Variants in GMDS observed in about 807,000 individuals in gnomAD.
GMDS encodes GDP-mannose 4,6-dehydratase, also known as GDP-mannose 4,6 dehydratase.
In GMDS, 20 loss-of-function variants were observed where a neutral mutation model predicts 49.9. The observed-to-expected ratio is 0.40, with a 90% confidence interval of 0.28 to 0.58. The LOEUF (loss-of-function observed/expected upper bound fraction) is 0.58. Ranked by LOEUF, GMDS falls within the 20% of genes least tolerant of loss-of-function variation. The pLI, the probability that GMDS is intolerant of heterozygous loss-of-function variation, is 0.42. For synonymous variants in GMDS, 177 were observed against 178.6 expected (o/e 0.99, Z 0.07); for missense variants, 362 against 481.4 (o/e 0.75, Z 2.32).
chr6:1,624,335 C>T, intron 10 of GMDS, 104 bp from the exon 11 acceptor site: 1 of 1,299,028 alleles, frequency 7.7e-7, no homozygotes, highest in East Asian at 2.4e-5. Context: ...TCCCTCGTTC[C>T]AGCTCCCCTC....
chr6:2,144,097 A>G (rs1441371315), intron 1 of GMDS, among the ~76,000 whole-genome samples: 1 of 152,256 alleles, frequency 6.6e-6, no homozygotes, highest in Non-Finnish European at 1.5e-5. Context: ...TATGTGCATT[A>G]GCCTTCTGAA....
chr6:2,202,083 G>C (rs1422176578), intron 1 of GMDS, among the ~76,000 whole-genome samples: 4 of 142,042 alleles, frequency 2.8e-5, no homozygotes, highest in Non-Finnish European at 1.5e-5. Flanking sequence ...AGGATGAAGA[G>C]AGAGCACCAC....
intron 4 of GMDS, among the ~76,000 whole-genome samples, chr6:2,079,783 T>A (rs1285120520): frequency 6.6e-6 from 1 of 152,140 alleles, no homozygotes. Context: ...AGGAGAAGAC[T>A]TTCTTGCATT....
chr6:1,871,790 C>T (rs1371845129), intron 7 of GMDS, among the ~76,000 whole-genome samples: 1 of 152,192 alleles, frequency 6.6e-6, no homozygotes, highest in African/African-American at 2.4e-5. Context: ...TTTCCTGTTA[C>T]TCACATAATA....
At chr6:2,150,138 A>C (rs1443443091) in intron 1 of GMDS, among the ~76,000 whole-genome samples, 2 of 152,194 alleles carry the variant, frequency 1.3e-5, no homozygotes, top group African/African-American at 4.8e-5. Flanking sequence ...GTGAGAGAAG[A>C]TCAAGTACTT....
chr6:2,127,971 A>G (rs1294432389), intron 1 of GMDS, among the ~76,000 whole-genome samples: 1 of 152,212 alleles, frequency 6.6e-6, no homozygotes, highest in Non-Finnish European at 1.5e-5. Flanking sequence ...ATTCAGTATG[A>G]ACACAATTAT....
intron 7 of GMDS, among the ~76,000 whole-genome samples, chr6:1,890,732 T>C (rs1759830723): frequency 6.6e-6 from 1 of 152,224 alleles, no homozygotes; most frequent in Non-Finnish European, 1.5e-5. Flanking sequence ...AATGTACCTT[T>C]TACCAAAGCC....
intron 4 of GMDS, among the ~76,000 whole-genome samples, chr6:2,055,593 T>C (rs770194386): frequency 7.2e-5 from 11 of 152,090 alleles, no homozygotes; most frequent in East Asian, 1.9e-4. Context: ...CTTAACCTCA[T>C]AGGTTAGCAT....
At position 2,074,575 on chromosome 6, in the gene GMDS, T is replaced by C. The variant is rs151297642; in HGVS notation, c.345+41196A>G. Reference sequence around the variant, plus strand: ...GTGCTTTGAGATCTTAACCATAAAATCTTTGTCTAGAACAACATCCTTAAG... The same window carrying C: ...GTGCTTTGAGATCTTAACCATAAAACCTTTGTCTAGAACAACATCCTTAAG... On this transcript the variant is annotated intron_variant, in intron 4 of 10. Coordinates refer to ENST00000380815, the MANE Select transcript of GMDS (RefSeq NM_001500.4). Among the ~76,000 whole-genome samples, 3 of 152,326 alleles carry C rather than the reference T, an allele frequency of 2.0e-5. No individual in the cohort carries two copies. The East Asian group carries it at 5.8e-4, about 29-fold the overall frequency.
chr6:1,844,421 C>T (rs542406512), intron 7 of GMDS, among the ~76,000 whole-genome samples: 1 of 152,314 alleles, frequency 6.6e-6, no homozygotes, highest in Middle Eastern at 3.4e-3. Context: ...CTACCTCAAA[C>T]AGTTTTTACC....
chr6:1,901,153 C>T (rs3778546), intron 7 of GMDS, among the ~76,000 whole-genome samples: 32,572 of 152,146 alleles, frequency 0.21, 4,304 homozygotes, highest in Middle Eastern at 0.32. Flanking sequence ...CCGTGGCTCC[C>T]GGCTCTCAGC....
chr6:1,652,614 AAT>A (rs1763721601), intron 9 of GMDS, among the ~76,000 whole-genome samples: 1 of 7,298 alleles, frequency 1.4e-4, no homozygotes, highest in Non-Finnish European at 2.9e-4. Context: ...TAATATATAT[AAT>A]ATATATTATT....
At chr6:1,894,218 C>G (rs1760033597) in intron 7 of GMDS, among the ~76,000 whole-genome samples, 3 of 152,116 alleles carry the variant, frequency 2.0e-5, no homozygotes. Context: ...TAATTGATTG[C>G]AATAATATTT....
intron 7 of GMDS, among the ~76,000 whole-genome samples, chr6:1,860,144 C>A (rs1758115333): frequency 6.6e-6 from 1 of 152,042 alleles, no homozygotes; most frequent in African/African-American, 2.4e-5. Context: ...ACCATTGTAT[C>A]TCAGACTTTA....
In GMDS at chr6:1,997,507, CAA is replaced by C. The variant is rs542421435; in HGVS notation, c.346-36543_346-36542del. The stretch of plus-strand genomic sequence containing the variant: ...TGGGAGACAGAGTGAGACTCTGTCT[CAA>C]AAAAAAAAAAAAAAAAAAGATGTGA... On this transcript the variant is annotated intron_variant, in intron 4 of 10. Transcript: ENST00000380815. 6.3e-3 allele frequency among the ~76,000 whole-genome samples: 389 copies of C among 61,576 alleles called. 6 individuals are homozygous for C. Among genetic ancestry groups the C allele is most frequent in the African/African-American group, 0.023 (370 of 16,072 alleles). 40.4% of individuals were successfully genotyped at this position (61,576 alleles called of 152,430 possible).
At chr6:2,233,266 T>C (rs1781197581) in intron 1 of GMDS, among the ~76,000 whole-genome samples, 1 of 152,168 alleles carries the variant, frequency 6.6e-6, no homozygotes, top group Non-Finnish European at 1.5e-5. Context: ...TGCAAACATT[T>C]TCCTCCTCCT....
intron 1 of GMDS, among the ~76,000 whole-genome samples, chr6:2,158,034 T>C (rs1352753334): frequency 4.6e-5 from 7 of 152,116 alleles, no homozygotes; most frequent in Middle Eastern, 3.2e-3. Context: ...AAAACAAACC[T>C]CAGCCCCCAA....
At chr6:1,929,970 G>A (rs978883180) in intron 7 of GMDS, 133 bp downstream of exon 7, 6 of 725,766 alleles carry the variant, frequency 8.3e-6, no homozygotes, top group Non-Finnish European at 1.4e-5. Flanking sequence ...AAAGCAGCAT[G>A]AGTGTAAACA....
intron 1 of GMDS, among the ~76,000 whole-genome samples, chr6:2,149,019 C>T (rs570074985): frequency 9.8e-4 from 149 of 152,204 alleles, no homozygotes; most frequent in African/African-American, 3.5e-3. Context: ...ATGGAGAGCA[C>T]CTGAGGGATC....
Sources: gnomAD v4.1 joint callset for allele counts (sites outside exome capture counted in the v4.1 genomes callset) on GRCh38, gnomAD v4.1.1 for gene constraint, MANE v1.5 for transcripts, NCBI Gene and HGNC (gene_info 2026-07-23, HGNC 2026-07-21) for gene names.